Variants in ACYP2 observed in about 807,000 individuals in gnomAD.
ACYP2 encodes the protein acylphosphatase 2, also known as acylphosphatase-2.
A neutral mutation model predicts 11.2 loss-of-function variants in ACYP2; 12 were observed. The observed-to-expected ratio is 1.08, with a 90% CI of 0.69 to 1.74. The LOEUF (loss-of-function observed/expected upper bound fraction) is 1.74. Among genes scored for constraint, ACYP2 ranks in the 40% most tolerant of loss-of-function variants. ACYP2 has a pLI of 0.00. For missense variants in ACYP2, 134 were observed against 101.9 expected, an observed-to-expected ratio of 1.31 and a Z score of -1.35; for synonymous variants, 43 against 32.2, an observed-to-expected ratio of 1.33 and a Z score of -1.13.
chr2:54,039,258 A>AT (rs112626580), intron 2 of ACYP2, among the ~76,000 whole-genome samples: 53,618 of 132,904 alleles, frequency 0.4, 10,615 homozygotes, highest in South Asian at 0.52. Context: ...TCGTGCTTTA[A>AT]TTTTTTTTTT....
intron 6 of ACYP2, among the ~76,000 whole-genome samples, chr2:54,230,626 A>AG (rs1180393130): frequency 5.3e-5 from 8 of 151,980 alleles, no homozygotes; most frequent in Non-Finnish European, 8.8e-5. Flanking sequence ...TCGGCCTCCC[A>AG]AAGTGCTGGG....
At chr2:54,256,488 T>G (rs1247007804) in intron 6 of ACYP2, among the ~76,000 whole-genome samples, 1 of 152,234 alleles carries the variant, frequency 6.6e-6, no homozygotes, top group Non-Finnish European at 1.5e-5. Context: ...TATCCGAGGC[T>G]TCTCCCTATT....
chr2:54,280,510 AC>A (rs911870238), intron 6 of ACYP2, among the ~76,000 whole-genome samples: 2 of 152,216 alleles, frequency 1.3e-5, no homozygotes, highest in African/African-American at 4.8e-5. Context: ...TTAAGAGAAC[AC>A]AAAATTAAGC....
At chr2:54,226,670 ATGTAG>A (rs1372040267) in intron 6 of ACYP2, among the ~76,000 whole-genome samples, 3 of 152,204 alleles carry the variant, frequency 2.0e-5, no homozygotes, top group African/African-American at 4.8e-5. Context: ...GGAATGGAAC[ATGTAG>A]TCTTTTCCAA....
At position 54,255,887 on chromosome 2, in the gene ACYP2, C is replaced by A. The variant is rs752009293; in HGVS notation, c.405-48801C>A. The A allele has an allele frequency of 2.1e-5, 34 of 1,613,950 alleles. No homozygotes were observed. The South Asian group carries it at 3.3e-4, about 16-fold the overall frequency. ...CCCTCCGCGGGTGGTGGAGTCACTT[C>A]CTGCCCCGCTTTGATGGCTCCATGA... On this transcript the variant is annotated intron_variant, in intron 6 of 6. Coordinates refer to ENST00000607452, the MANE Select transcript of ACYP2 (RefSeq NM_001320586.2).
chr2:54,055,735 A>G (rs1676107051), intron 3 of ACYP2, among the ~76,000 whole-genome samples: 3 of 152,292 alleles, frequency 2.0e-5, no homozygotes, highest in Middle Eastern at 3.4e-3. Context: ...CTGTTCAACA[A>G]ATTACATGCA....
In ACYP2 at chr2:53,974,086, C is replaced by G. The variant is rs1444742264; in HGVS notation, c.62+276C>G. On this transcript the variant is annotated intron_variant, in intron 2 of 6. Coordinates refer to ENST00000607452, the MANE Select transcript of ACYP2 (RefSeq NM_001320586.2). ...CACATCCAGATAATTTTTTTTTTTTCGGTATTTTTAGTAGAGACAGGCTTT... is the reference window on the plus strand; with the variant it reads ...CACATCCAGATAATTTTTTTTTTTTGGGTATTTTTAGTAGAGACAGGCTTT... Among the ~76,000 whole-genome samples the G allele has an allele frequency of 4.7e-5, 7 of 148,282 alleles. No individual in the cohort carries two copies. In the East Asian group the frequency reaches 1.2e-3, roughly 25 times the overall value.
chr2:54,201,628 C>CTTT (rs879397824), intron 6 of ACYP2, among the ~76,000 whole-genome samples: 12 of 99,440 alleles, frequency 1.2e-4, no homozygotes, highest in African/African-American at 3.5e-4. Context: ...TTCTTTGTTT[C>CTTT]TTTCTTTCTC....
At chr2:54,164,388 G>A (rs1447869409) in intron 6 of ACYP2, among the ~76,000 whole-genome samples, 1 of 152,148 alleles carries the variant, frequency 6.6e-6, no homozygotes, top group Non-Finnish European at 1.5e-5. Flanking sequence ...TTTCAGCTGG[G>A]GGCAGGGTGA....
chr2:54,174,885 G>C (rs1222130232), intron 6 of ACYP2, among the ~76,000 whole-genome samples: 1 of 152,160 alleles, frequency 6.6e-6, no homozygotes, highest in African/African-American at 2.4e-5. Context: ...AAGCCTACTT[G>C]ATCGTGGTGG....
chr2:54,287,624 G>T (rs1347606772), intron 6 of ACYP2, among the ~76,000 whole-genome samples: 1 of 151,932 alleles, frequency 6.6e-6, no homozygotes. Flanking sequence ...CACATAAAAT[G>T]TCTGGCTACT....
chr2:54,223,544 T>A (rs1328522649), intron 6 of ACYP2, among the ~76,000 whole-genome samples: 1 of 152,206 alleles, frequency 6.6e-6, no homozygotes, highest in African/African-American at 2.4e-5. Flanking sequence ...CTGCTATAAA[T>A]TTAAATTGTC....
intron 4 of ACYP2, among the ~76,000 whole-genome samples, chr2:54,117,014 A>G (rs1679848540): frequency 6.6e-6 from 1 of 152,142 alleles, no homozygotes; most frequent in South Asian, 2.1e-4. Context: ...ATAGAGGTGA[A>G]CTACTGATTA....
intron 6 of ACYP2, among the ~76,000 whole-genome samples, chr2:54,250,602 G>A (rs1249508523): frequency 6.6e-6 from 1 of 152,210 alleles, no homozygotes; most frequent in African/African-American, 2.4e-5. Context: ...TATGTGATAT[G>A]AATTGATATA....
chr2:54,139,864 A>G (rs1391848409), intron 6 of ACYP2, among the ~76,000 whole-genome samples: 1 of 152,230 alleles, frequency 6.6e-6, no homozygotes, highest in Non-Finnish European at 1.5e-5. Flanking sequence ...TCTTTCACTT[A>G]AAAATAGTTA....
chr2:54,228,290 C>T (rs966284867), intron 6 of ACYP2, among the ~76,000 whole-genome samples: 5 of 152,160 alleles, frequency 3.3e-5, no homozygotes, highest in African/African-American at 7.2e-5. Flanking sequence ...GTCTGTAATT[C>T]TGTAAGTGGA....
intron 6 of ACYP2, among the ~76,000 whole-genome samples, chr2:54,202,512 A>G (rs1383151089): frequency 6.7e-6 from 1 of 148,576 alleles, no homozygotes; most frequent in Non-Finnish European, 1.5e-5. Flanking sequence ...GGTTCAAGCA[A>G]TTCTCCTGCC....
At chr2:54,304,347 G>C (rs1053981654) in intron 6 of ACYP2, among the ~76,000 whole-genome samples, 1 of 151,870 alleles carries the variant, frequency 6.6e-6, no homozygotes, top group African/African-American at 2.4e-5. Flanking sequence ...TTATTACTAA[G>C]CTCCTTATAA....
At chr2:54,140,819 G>A (rs988345868) in intron 6 of ACYP2, among the ~76,000 whole-genome samples, 1 of 151,984 alleles carries the variant, frequency 6.6e-6, no homozygotes, top group Admixed American at 6.6e-5. Context: ...AATTTTATTG[G>A]TGATTTTATT....
Sources: gnomAD v4.1 joint callset for allele counts (sites outside exome capture counted in the v4.1 genomes callset) on GRCh38, gnomAD v4.1.1 for gene constraint, MANE v1.5 for transcripts, NCBI Gene and HGNC (gene_info 2026-07-23, HGNC 2026-07-21) for gene names.